PARD3B: variants seen among roughly 807,000 people sequenced by gnomAD.
The protein encoded by PARD3B is par-3 family cell polarity regulator beta.
A neutral mutation model predicts 130.2 loss-of-function variants in PARD3B; 103 were observed. The ratio of observed to expected loss-of-function variants is 0.79; its 90% confidence interval spans 0.67 to 0.93. PARD3B has a LOEUF of 0.93. Among genes scored for constraint, PARD3B ranks in the 40% least tolerant of loss-of-function variants. PARD3B has a pLI of 0.00. For synonymous variants in PARD3B, 583 were observed against 553.2 expected, an observed-to-expected ratio of 1.05 and a Z score of -0.76; for missense variants, 1,609 against 1,499.2, an observed-to-expected ratio of 1.07 and a Z score of -1.21.
At chr2:204,927,503 C>T (rs1040538557) in intron 2 of PARD3B, among the ~76,000 whole-genome samples, 1 of 152,108 alleles carries the variant, frequency 6.6e-6, no homozygotes, top group Non-Finnish European at 1.5e-5. Flanking sequence ...TCCTATGCTA[C>T]CTGGTTTATG....
intron 2 of PARD3B, among the ~76,000 whole-genome samples, chr2:204,698,330 C>T (rs903366784): frequency 1.3e-5 from 2 of 152,086 alleles, no homozygotes; most frequent in African/African-American, 2.4e-5. Context: ...TTGTTGTTCA[C>T]ATTTCTGCCA....
intron 19 of PARD3B, among the ~76,000 whole-genome samples, chr2:205,431,831 C>G (rs2047349372): frequency 6.6e-6 from 1 of 152,036 alleles, no homozygotes; most frequent in African/African-American, 2.4e-5. Context: ...ATGAAAGAAA[C>G]ATTAATGTTG....
intron 2 of PARD3B, among the ~76,000 whole-genome samples, chr2:204,720,353 G>A (rs2038936648): frequency 6.6e-6 from 1 of 152,220 alleles, no homozygotes; most frequent in Non-Finnish European, 1.5e-5. Flanking sequence ...TTTGTGTGTG[G>A]TCTGTACAAA....
At chr2:205,467,051 T>G (rs1225457013) in intron 20 of PARD3B, among the ~76,000 whole-genome samples, 2 of 152,266 alleles carry the variant, frequency 1.3e-5, no homozygotes, top group Non-Finnish European at 2.9e-5. Flanking sequence ...GCTGTCTTAA[T>G]GTCTCTGATA....
At chr2:204,710,343 A>C (rs2038374136) in intron 2 of PARD3B, among the ~76,000 whole-genome samples, 1 of 152,214 alleles carries the variant, frequency 6.6e-6, no homozygotes, top group Non-Finnish European at 1.5e-5. Flanking sequence ...GAGGGAAAAA[A>C]GGTTACGAAA....
rs1362269436 is a variant in PARD3B, at chr2:204,689,212, C to G, written c.222+2930C>G. On this transcript the variant is annotated intron_variant, in intron 2 of 22. Transcript: ENST00000406610. The surrounding 1 kb of genome is among the most constrained non-coding windows in gnomAD (Gnocchi z 5.2). ...AAAACTTGTGCCTAAAGTGGTTTGT[C>G]TGTGGTCTTACTTCTATTATTCCTT... is the stretch of plus-strand genomic sequence containing the variant. Among the ~76,000 whole-genome samples the G allele has an allele frequency of 6.6e-6, 1 of 152,156 alleles. No homozygotes were observed. The highest frequency in any genetic ancestry group is 1.5e-5 in the Non-Finnish European group (1 of 68,026).
intron 1 of PARD3B, among the ~76,000 whole-genome samples, chr2:204,682,810 A>G (rs1472807138): frequency 6.6e-6 from 1 of 152,176 alleles, no homozygotes; most frequent in Non-Finnish European, 1.5e-5. Context: ...TAGTCACAGC[A>G]TTATAGTATG....
intron 2 of PARD3B, among the ~76,000 whole-genome samples, chr2:204,909,832 A>T (rs1392503748): frequency 6.6e-6 from 1 of 152,210 alleles, no homozygotes; most frequent in African/African-American, 2.4e-5. Flanking sequence ...TGAATCTGCC[A>T]TAATTAATAC....
At chr2:204,850,557 G>A (rs1341433470) in intron 2 of PARD3B, among the ~76,000 whole-genome samples, 5 of 151,844 alleles carry the variant, frequency 3.3e-5, no homozygotes, top group African/African-American at 1.2e-4. Flanking sequence ...GTAAAAGGCA[G>A]AGGCAGTTAC....
rs2106598011 is a variant in PARD3B, at chr2:205,591,069, T to A, written c.3261-24387T>A. On this transcript the variant is annotated intron_variant, in intron 22 of 22. Transcript: ENST00000406610. The surrounding 1 kb of genome is among the most constrained non-coding windows in gnomAD (Gnocchi z 4.2). Reference sequence around the variant, plus strand: ...CTTTAGAGCTCCACGTGTCATTGTGTTTGTCTTTCCCTGAGAATGTGAATA... The same window carrying A: ...CTTTAGAGCTCCACGTGTCATTGTGATTGTCTTTCCCTGAGAATGTGAATA... 6.6e-6 allele frequency among the ~76,000 whole-genome samples: 1 copy of A among 152,212 alleles called. No homozygotes were observed. Among genetic ancestry groups the A allele is most frequent in the East Asian group, 1.9e-4 (1 of 5,144 alleles).
chr2:204,888,730 C>CAA (rs11315348), intron 2 of PARD3B, among the ~76,000 whole-genome samples: 5,599 of 81,226 alleles, frequency 0.069, 190 homozygotes, highest in Middle Eastern at 0.11. Flanking sequence ...GACCCTGTCT[C>CAA]AAAAAAAAAA....
At chr2:205,219,013 G>A (rs1486569514) in intron 15 of PARD3B, among the ~76,000 whole-genome samples, 1 of 151,834 alleles carries the variant, frequency 6.6e-6, no homozygotes, top group Admixed American at 6.6e-5. Flanking sequence ...CTGAGAGGCG[G>A]AAGTTACGGT....
chr2:205,005,253 AATAAT>A (rs1433927828), intron 3 of PARD3B, among the ~76,000 whole-genome samples: 2 of 152,256 alleles, frequency 1.3e-5, no homozygotes, highest in East Asian at 3.9e-4. Context: ...AGCAAGAGAA[AATAAT>A]ATAAGTGTGA....
intron 2 of PARD3B, among the ~76,000 whole-genome samples, chr2:204,792,228 G>T (rs960023836): frequency 3.9e-5 from 6 of 152,076 alleles, no homozygotes; most frequent in African/African-American, 9.7e-5. Flanking sequence ...CTTTTGATTG[G>T]TTATGGATAT....
chr2:205,104,597 C>A, intron 5 of PARD3B, 83 bp downstream of exon 5: 2 of 952,296 alleles, frequency 2.1e-6, no homozygotes, highest in Non-Finnish European at 3.2e-6. Context: ...TCTTACTTTA[C>A]AAGAAAGATC....
rs2038705731 is a variant in PARD3B, at chr2:205,229,066, C to CAA, written c.2141-16712_2141-16711insAA. ...AAAACAGCTATTTTGAATTCTGTAT[C>CAA]TGAAAGGTCACTTATGTCTGTCTCT... On this transcript the variant is annotated intron_variant, in intron 15 of 22. Transcript: ENST00000406610. The surrounding 1 kb of genome is among the most constrained non-coding windows in gnomAD (Gnocchi z 5.2). Among the ~76,000 whole-genome samples, 1 of 152,206 alleles carries CAA rather than the reference C, an allele frequency of 6.6e-6. No homozygotes were observed. The highest frequency in any genetic ancestry group is 1.5e-5 in the Non-Finnish European group (1 of 68,038).
At chr2:205,199,747 C>T (rs574834794) in intron 15 of PARD3B, among the ~76,000 whole-genome samples, 16 of 152,034 alleles carry the variant, frequency 1.1e-4, no homozygotes, top group Admixed American at 2.0e-4. Context: ...ATGGTCAAAC[C>T]AAAAAAGCAT....
intron 10 of PARD3B, among the ~76,000 whole-genome samples, chr2:205,154,612 C>T (rs892699703): frequency 6.6e-6 from 1 of 152,162 alleles, no homozygotes; most frequent in African/African-American, 2.4e-5. Context: ...TTTATTGCGG[C>T]ACTATTCACA....
At chr2:204,938,719 C>T (rs1254839217) in intron 2 of PARD3B, among the ~76,000 whole-genome samples, 1 of 152,194 alleles carries the variant, frequency 6.6e-6, no homozygotes, top group Non-Finnish European at 1.5e-5. Context: ...GGAGCCTCAT[C>T]ATCAGTGTTT....
Sources: allele counts gnomAD v4.1 joint callset (sites outside exome capture counted in the v4.1 genomes callset), GRCh38; gene constraint gnomAD v4.1.1; non-coding constraint Gnocchi (gnomAD v3.1); transcripts MANE v1.5; gene names NCBI Gene and HGNC (gene_info 2026-07-23, HGNC 2026-07-21).